JPT1: variants seen among roughly 807,000 people sequenced by gnomAD.
JPT1 encodes the protein Jupiter microtubule associated homolog 1.
In JPT1, 5 loss-of-function variants were observed where a neutral mutation model predicts 17.0. The ratio of observed to expected loss-of-function variants is 0.29; its 90% CI spans 0.15 to 0.62. JPT1 has a LOEUF of 0.62. JPT1 is among the 20% of genes least tolerant of loss of function. The pLI is 0.85. For synonymous variants in JPT1, 71 were observed against 73.6 expected (o/e 0.96, Z 0.18); for missense variants, 158 against 188.1 (o/e 0.84, Z 0.94).
chr17:75,148,320 A>G (rs2074479825), intron 2 of JPT1, among the ~76,000 whole-genome samples: 1 of 152,178 alleles, frequency 6.6e-6, no homozygotes, highest in Non-Finnish European at 1.5e-5. Flanking sequence ...ATCACAGCTC[A>G]CTGCAGCCTC....
At chr17:75,137,314 T>G (rs1390034855) in intron 4 of JPT1, among the ~76,000 whole-genome samples, 2 of 107,800 alleles carry the variant, frequency 1.9e-5, no homozygotes, top group African/African-American at 6.0e-5. Flanking sequence ...AGTATACATA[T>G]TTTTAGTTTT....
Position 75,136,187 on chromosome 17 carries a change from G to A in JPT1, c.380C>T (p.Ala127Val), listed in dbSNP as rs758089157. The A allele has an allele frequency of 2.5e-5, 40 of 1,613,766 alleles. No homozygotes were observed. In the East Asian group the frequency reaches 5.3e-4, roughly 22 times the overall value. The part of the protein sequence containing the change: ...GQSEEKPVPA[A>V]PVPSPVAPAP... ...CGGGGCCACCGGGCTGGGCACAGGC[G>A]CAGCAGGCACGGGCTTCTCTTCACT... Residue 127 changes from alanine to valine, a missense_variant, in exon 5 of 5, where the codon GCG (alanine) becomes GTG (valine). Physicochemically the swap from Ala to Val is moderately conservative, Grantham distance 64. Transcript: ENST00000409753.
chr17:75,148,922 T>C (rs1410550707), intron 1 of JPT1, among the ~76,000 whole-genome samples: 1 of 152,210 alleles, frequency 6.6e-6, no homozygotes, highest in Admixed American at 6.5e-5. Flanking sequence ...TGAAACAGCA[T>C]GGAACTCATC....
intron 4 of JPT1, among the ~76,000 whole-genome samples, chr17:75,144,160 T>C (rs1470940878): frequency 6.6e-6 from 1 of 152,150 alleles, no homozygotes; most frequent in South Asian, 2.1e-4. Flanking sequence ...GCTCCTGTAC[T>C]TGGGACCTTT....
intron 4 of JPT1, chr17:75,140,930 A>C (rs923744968): frequency 2.0e-5 from 3 of 152,334 alleles, no homozygotes; most frequent in African/African-American, 7.2e-5. Context: ...TCTCTACTGA[A>C]AACACAAAAA....
intron 1 of JPT1, chr17:75,148,945 C>G: frequency 8.9e-7 from 1 of 1,128,662 alleles, no homozygotes; most frequent in South Asian, 1.6e-5. Context: ...AAATAACAGC[C>G]TGGTTGGTGT....
chr17:75,154,484 A>G lies in JPT1; in HGVS notation c.-87T>C. On this transcript the variant is annotated 5_prime_UTR_variant, in exon 1 of 5. Coordinates refer to ENST00000409753, the MANE Select transcript of JPT1 (RefSeq NM_016185.4). ...GGCGCTGGGAAACTCCACACCCAACAGCCGACCACCGCTGCAGGAGCCGCC... is the reference window on the plus strand; with the variant it reads ...GGCGCTGGGAAACTCCACACCCAACGGCCGACCACCGCTGCAGGAGCCGCC... 3.9e-6 allele frequency: 5 copies of G among 1,284,958 alleles called. No individual in the cohort carries two copies. Among genetic ancestry groups the G allele is most frequent in the Non-Finnish European group, 4.3e-6 (4 of 931,216 alleles). The allele number at this position is 1,284,958 out of a possible 1,614,324, so 79.6% of individuals were successfully genotyped here. A position where few individuals can be genotyped will look rare whatever the true frequency, so the allele number is the denominator to read the frequency against.
At chr17:75,147,109 A>G (rs2074454239) in intron 3 of JPT1, among the ~76,000 whole-genome samples, 1 of 151,658 alleles carries the variant, frequency 6.6e-6, no homozygotes, top group African/African-American at 2.4e-5. Flanking sequence ...GTGATGCCTC[A>G]CTGTGCTCTG....
intron 1 of JPT1, 152 bp downstream of exon 1, chr17:75,154,190 G>A: frequency 2.5e-6 from 1 of 407,458 alleles, no homozygotes; most frequent in Non-Finnish European, 3.9e-6. Context: ...GCGGCACAAA[G>A]GCGGCGCCGA....
intron 2 of JPT1, 37 bp downstream of exon 2, chr17:75,148,492 C>T (rs2074483415): frequency 6.2e-7 from 1 of 1,608,990 alleles, no homozygotes; most frequent in Non-Finnish European, 8.5e-7. Context: ...ATGCTGGGCC[C>T]ATCCCTTTGA....
Position 75,139,536 on chromosome 17 carries a change from C to T in JPT1, c.317-3286G>A, listed in dbSNP as rs1428231369. ...AGTAGGCCTTACTTTAAATGTCTGT[C>T]CAGGCCAGGTGCAGTGGCTCACACC... On this transcript the variant is annotated intron_variant, in intron 4 of 4. Transcript: ENST00000409753. 2.6e-5 allele frequency among the ~76,000 whole-genome samples: 4 copies of T among 152,142 alleles called. No individual in the cohort carries two copies. The East Asian group carries it at 7.7e-4, about 29-fold the overall frequency.
rs549799867 is a variant in JPT1, at chr17:75,147,172, T to TG, written c.297+383dup. On this transcript the variant is annotated intron_variant, in intron 3 of 4. Transcript: ENST00000409753. Reference sequence around the variant, plus strand: ...TCTTTCCACTTCGCAGCACACCCCCTGGGGGGCTTGGTGGCAGTATTCAAC... The same window carrying TG: ...TCTTTCCACTTCGCAGCACACCCCCTGGGGGGGCTTGGTGGCAGTATTCAAC... Among the ~76,000 whole-genome samples the TG allele has an allele frequency of 3.4e-3, 512 of 152,252 alleles. 1 individual carries two copies. Among genetic ancestry groups the TG allele is most frequent in the African/African-American group, 0.012 (481 of 41,540 alleles).
At chr17:75,154,109 C>A in intron 1 of JPT1, 1 of 250,024 alleles carries the variant, frequency 4.0e-6, no homozygotes, top group Non-Finnish European at 7.5e-6. Flanking sequence ...CTCCTCAGCC[C>A]CTGACTCCGT....
chr17:75,142,513 C>T (rs1598194653), intron 4 of JPT1, among the ~76,000 whole-genome samples: 1 of 147,268 alleles, frequency 6.8e-6, no homozygotes, highest in Middle Eastern at 3.2e-3. Flanking sequence ...GAGCCGTGAT[C>T]GTGCCACTAC....
intron 4 of JPT1, 152 bp downstream of exon 4, chr17:75,146,514 C>T (rs1024213955): frequency 3.6e-5 from 21 of 585,574 alleles, no homozygotes; most frequent in East Asian, 3.0e-4. Context: ...TAGCATTGAT[C>T]GCGTTACTGG....
intron 1 of JPT1, 187 bp downstream of exon 1, chr17:75,154,155 G>A: frequency 6.9e-6 from 2 of 291,174 alleles, no homozygotes; most frequent in Non-Finnish European, 1.2e-5. Flanking sequence ...GGACCCGGGT[G>A]GGGCCGGCGC....
chr17:75,148,238 A>G (rs1403973519), intron 2 of JPT1, among the ~76,000 whole-genome samples: 1 of 151,994 alleles, frequency 6.6e-6, no homozygotes, highest in East Asian at 1.9e-4. Flanking sequence ...AACCAGCTGT[A>G]GTTGGTTTTT....
chr17:75,141,551 G>A (rs1369764006), intron 4 of JPT1, among the ~76,000 whole-genome samples: 4 of 152,148 alleles, frequency 2.6e-5, no homozygotes, highest in Middle Eastern at 6.8e-3. Context: ...TACTCGGGAG[G>A]CTGAGGCAGG....
intron 4 of JPT1, among the ~76,000 whole-genome samples, chr17:75,142,512 T>C (rs1052162457): frequency 8.1e-5 from 12 of 147,374 alleles, no homozygotes; most frequent in Admixed American, 7.5e-4. Context: ...TGAGCCGTGA[T>C]CGTGCCACTA....
Sources: allele counts gnomAD v4.1 joint callset (sites outside exome capture counted in the v4.1 genomes callset), GRCh38; gene constraint gnomAD v4.1.1; transcripts MANE v1.5; gene names NCBI Gene and HGNC (gene_info 2026-07-23, HGNC 2026-07-21).